DCC: variants seen among roughly 807,000 people sequenced by gnomAD.
DCC encodes the protein netrin receptor DCC.
A neutral mutation model predicts 172.5 loss-of-function variants in DCC; 58 were observed. The ratio of observed to expected loss-of-function variants is 0.34; its 90% confidence interval spans 0.27 to 0.42. The LOEUF (loss-of-function observed/expected upper bound fraction) is 0.42. Among genes scored for constraint, DCC ranks in the 10% least tolerant of loss-of-function variants. The pLI is 1.00. For synonymous variants in DCC, 709 were observed against 644.5 expected (o/e 1.10, Z -1.52); for missense variants, 1,740 against 1,791.0 (o/e 0.97, Z 0.51).
rs1311241359 is a variant in DCC, at chr18:52,994,264, A to G, written c.985+68894A>G. On this transcript the variant is annotated intron_variant, in intron 5 of 28. Transcript: ENST00000442544. ...AAAGACCATCCTTGAGAGTGAATTA[A>G]GTAACAGATTCTTGGCAAATCTTTC... Among the ~76,000 whole-genome samples, 3 of 152,150 alleles carry G rather than the reference A, an allele frequency of 2.0e-5. No homozygotes were observed. In the East Asian group the frequency reaches 5.8e-4, roughly 29 times the overall value.
chr18:53,071,459 T>C (rs1426371375), intron 7 of DCC, among the ~76,000 whole-genome samples: 1 of 152,228 alleles, frequency 6.6e-6, no homozygotes, highest in African/African-American at 2.4e-5. Context: ...TCAATAATGG[T>C]ACATAAGTAA....
chr18:53,079,099 G>A (rs900529613), intron 7 of DCC, among the ~76,000 whole-genome samples: 1 of 152,104 alleles, frequency 6.6e-6, no homozygotes, highest in Non-Finnish European at 1.5e-5. Context: ...TCTCCTAACA[G>A]TATGGCACTT....
intron 2 of DCC, among the ~76,000 whole-genome samples, chr18:52,782,306 G>A (rs539411535): frequency 2.6e-5 from 4 of 152,174 alleles, no homozygotes; most frequent in African/African-American, 9.6e-5. Flanking sequence ...TATTGTGAAG[G>A]TTTTGGCAAC....
intron 1 of DCC, among the ~76,000 whole-genome samples, chr18:52,661,959 A>T (rs2035368536): frequency 1.3e-5 from 2 of 152,256 alleles, no homozygotes; most frequent in Admixed American, 1.3e-4. Context: ...GGGTTTCCTG[A>T]TAGAAGGAAT....
chr18:53,326,180 C>T (rs1290674809), intron 14 of DCC, among the ~76,000 whole-genome samples: 2 of 152,018 alleles, frequency 1.3e-5, no homozygotes, highest in Non-Finnish European at 2.9e-5. Context: ...CTGTGATATA[C>T]ACATAAGCAA....
chr18:52,474,867 C>A (rs969586068), intron 1 of DCC, among the ~76,000 whole-genome samples: 18 of 152,280 alleles, frequency 1.2e-4, no homozygotes, highest in Middle Eastern at 6.8e-3. Context: ...GACCCCAACA[C>A]CGGTTATCTT....
At chr18:53,048,489 T>TTGTGTGTG (rs71175550) in intron 5 of DCC, among the ~76,000 whole-genome samples, 185 of 139,418 alleles carry the variant, frequency 1.3e-3, no homozygotes, top group African/African-American at 4.4e-3. Flanking sequence ...ACTCCATGGT[T>TTGTGTGTG]TGTGTGTGTG....
At chr18:52,918,101 A>G (rs1399622547) in intron 3 of DCC, among the ~76,000 whole-genome samples, 1 of 152,188 alleles carries the variant, frequency 6.6e-6, no homozygotes, top group Non-Finnish European at 1.5e-5. Context: ...AAGTACATGA[A>G]ATATATGTAT....
intron 7 of DCC, among the ~76,000 whole-genome samples, chr18:53,128,591 T>C (rs1449468075): frequency 6.6e-6 from 1 of 151,964 alleles, no homozygotes; most frequent in Non-Finnish European, 1.5e-5. Context: ...TTAGCTTTTG[T>C]TTTGCTCTTT....
At chr18:52,478,261 T>C (rs772046968) in intron 1 of DCC, among the ~76,000 whole-genome samples, 8 of 152,198 alleles carry the variant, frequency 5.3e-5, no homozygotes, top group African/African-American at 1.9e-4. Context: ...TCCTATACTA[T>C]CACCATTATC....
chr18:52,590,468 AAAT>A (rs2033775389), intron 1 of DCC, among the ~76,000 whole-genome samples: 1 of 152,228 alleles, frequency 6.6e-6, no homozygotes, highest in African/African-American at 2.4e-5. Flanking sequence ...CTACATGAAT[AAAT>A]AATATTTTTT....
At position 52,749,383 on chromosome 18, in the gene DCC, G is replaced by C. The variant is rs189539540; in HGVS notation, c.92-2671G>C. Among the ~76,000 whole-genome samples the C allele has an allele frequency of 7.1e-4, 108 of 151,054 alleles. 1 individual carries two copies. The highest frequency in any genetic ancestry group is 2.4e-3 in the African/African-American group (101 of 41,418). Reference sequence around the variant, plus strand: ...CCCACCCCTGTCTGCCTGGGAATTTGTCTGCCTCCTGCCACTGTCACTAAC... The same window carrying C: ...CCCACCCCTGTCTGCCTGGGAATTTCTCTGCCTCCTGCCACTGTCACTAAC... On this transcript the variant is annotated intron_variant, in intron 1 of 28. Coordinates refer to ENST00000442544, the MANE Select transcript of DCC (RefSeq NM_005215.4).
chr18:53,120,066 C>A (rs2043461957), intron 7 of DCC, among the ~76,000 whole-genome samples: 1 of 151,746 alleles, frequency 6.6e-6, no homozygotes, highest in South Asian at 2.1e-4. Context: ...AAACAGTGTA[C>A]AAGTCATGGT....
At chr18:52,901,090 A>C (rs2145438327) in intron 2 of DCC, among the ~76,000 whole-genome samples, 1 of 152,262 alleles carries the variant, frequency 6.6e-6, no homozygotes, top group South Asian at 2.1e-4. Context: ...TATGTCAGGG[A>C]AATAAGGTAT....
chr18:53,121,062 T>C (rs1293360432), intron 7 of DCC, among the ~76,000 whole-genome samples: 1 of 151,872 alleles, frequency 6.6e-6, no homozygotes, highest in African/African-American at 2.4e-5. Context: ...TCATTAAATA[T>C]GTAGATTGCT....
intron 15 of DCC, among the ~76,000 whole-genome samples, chr18:53,344,230 T>C (rs1265089532): frequency 6.6e-6 from 1 of 152,012 alleles, no homozygotes; most frequent in Non-Finnish European, 1.5e-5. Flanking sequence ...TATACATCCA[T>C]TGTTGTTCCT....
intron 21 of DCC, among the ~76,000 whole-genome samples, chr18:53,421,803 G>A (rs961021155): frequency 6.6e-6 from 1 of 152,130 alleles, no homozygotes; most frequent in Non-Finnish European, 1.5e-5. Context: ...AAGTTTTAAG[G>A]TTGGTATTAG....
chr18:53,275,636 G>C (rs1317083041), intron 12 of DCC, among the ~76,000 whole-genome samples: 1 of 151,920 alleles, frequency 6.6e-6, no homozygotes, highest in Non-Finnish European at 1.5e-5. Context: ...TGAGAAATTG[G>C]TTATAACAAT....
intron 14 of DCC, among the ~76,000 whole-genome samples, chr18:53,333,084 A>C (rs1323395394): frequency 6.6e-6 from 1 of 150,434 alleles, no homozygotes; most frequent in African/African-American, 2.4e-5. Context: ...AAAAAAAAAA[A>C]GGAGAATATT....
Sources: allele counts gnomAD v4.1 joint callset (sites outside exome capture counted in the v4.1 genomes callset), GRCh38; gene constraint gnomAD v4.1.1; transcripts MANE v1.5; gene names NCBI Gene and HGNC (gene_info 2026-07-23, HGNC 2026-07-21).